The following SPATA9 variants were observed in gnomAD, a reference collection of about 807,000 sequenced individuals.
The protein encoded by SPATA9 is spermatogenesis-associated protein 9.
A neutral mutation model predicts 25.5 loss-of-function variants in SPATA9; 27 were observed. The ratio of observed to expected loss-of-function variants is 1.06; its 90% CI spans 0.78 to 1.46. The LOEUF is 1.46. Among genes scored for constraint, SPATA9 ranks in the 40% most tolerant of loss-of-function variants. The pLI is 0.00. For missense variants in SPATA9, 282 were observed against 297.5 expected (o/e 0.95, Z 0.38); for synonymous variants, 102 against 105.7 (o/e 0.97, Z 0.21).
chr5:95,678,737 T>A (rs72783407), intron 2 of SPATA9, among the ~76,000 whole-genome samples: 6,585 of 152,210 alleles, frequency 0.043, 187 homozygotes, highest in Non-Finnish European at 0.061. Flanking sequence ...ATAAAAAAAA[T>A]TTGCCGCACT....
chr5:95,712,289 A>G, the SPATA9 span, among the ~76,000 whole-genome samples: 3 of 152,146 alleles, frequency 2.0e-5, no homozygotes, highest in African/African-American at 7.2e-5. Flanking sequence ...CTATCCCACA[A>G]TGTGGCCTTG....
chr5:95,687,299 C>T (rs182483198), upstream of SPATA9, among the ~76,000 whole-genome samples: 1 of 152,238 alleles, frequency 6.6e-6, no homozygotes, highest in East Asian at 1.9e-4. Context: ...TCTTGTGATC[C>T]CACTTTCAAT....
chr5:95,676,709 C>T (rs936587331), intron 2 of SPATA9, among the ~76,000 whole-genome samples: 2 of 152,180 alleles, frequency 1.3e-5, no homozygotes, highest in Non-Finnish European at 2.9e-5. Flanking sequence ...GAATTTGCCT[C>T]CTAAGTGGTT....
chr5:95,677,462 G>A (rs1232897715), intron 2 of SPATA9, among the ~76,000 whole-genome samples: 1 of 152,170 alleles, frequency 6.6e-6, no homozygotes, highest in African/African-American at 2.4e-5. Flanking sequence ...TCACAATAAT[G>A]ATAATTCTCC....
At position 95,662,822 on chromosome 5, in the gene SPATA9, AGATGCAAATTAAAACCACAATGT is replaced by A. The variant is rs551147955; in HGVS notation, c.474+1108_474+1130del. Among the ~76,000 whole-genome samples, 481 of 152,338 alleles carry A rather than the reference AGATGCAAATTAAAACCACAATGT, an allele frequency of 3.2e-3. 1 individual carries two copies. The highest frequency in any genetic ancestry group is 5.2e-3 in the Non-Finnish European group (355 of 68,036). On this transcript the variant is annotated intron_variant, in intron 4 of 4. Coordinates refer to ENST00000274432, the MANE Select transcript of SPATA9 (RefSeq NM_031952.4). The stretch of plus-strand genomic sequence containing the variant: ...TACTCAATCTCATTAATAGCCAAGG[AGATGCAAATTAAAACCACAATGT>A]GATGCAAATTAAAACCACAATGTGA...
chr5:95,706,861 C>T, the SPATA9 span, among the ~76,000 whole-genome samples: 2 of 151,860 alleles, frequency 1.3e-5, no homozygotes, highest in Non-Finnish European at 2.9e-5. Context: ...ATTTTGTATG[C>T]AAAGTATACC....
At position 95,682,623 on chromosome 5, in the gene SPATA9, C is replaced by G. The variant is rs980272135; in HGVS notation, c.62-7G>C. 6.2e-7 allele frequency: 1 copy of G among 1,603,112 alleles called. No homozygotes were observed. The highest frequency in any genetic ancestry group is 1.3e-5 in the African/African-American group (1 of 74,234). Reference sequence around the variant, plus strand: ...GCTTTCTGGATCCCCTCGACTAAGACAAAAAGAGGTTAGGAAAAAGAAAAC... The same window carrying G: ...GCTTTCTGGATCCCCTCGACTAAGAGAAAAAGAGGTTAGGAAAAAGAAAAC... On this transcript the variant is annotated splice_region_variant and splice_polypyrimidine_tract_variant and intron_variant, in intron 1 of 4. Transcript: ENST00000274432.
downstream of SPATA9, chr5:95,653,991 G>A (rs912853024): frequency 1.5e-6 from 2 of 1,302,606 alleles, no homozygotes; most frequent in African/African-American, 2.9e-5. Context: ...CATTCTTAGG[G>A]TTATCTCCAT....
the SPATA9 span, among the ~76,000 whole-genome samples, chr5:95,708,142 G>A: frequency 1.3e-3 from 197 of 152,204 alleles, no homozygotes; most frequent in African/African-American, 3.5e-3. Context: ...TTATTTTCTC[G>A]TTCCTGTTGG....
intron 2 of SPATA9, among the ~76,000 whole-genome samples, chr5:95,678,725 A>T (rs545571732): frequency 6.6e-6 from 1 of 152,344 alleles, no homozygotes; most frequent in South Asian, 2.1e-4. Flanking sequence ...ATCATCCTGG[A>T]AATAAAAAAA....
chr5:95,694,660 G>A (rs1351842333), intron 1 of SPATA9, among the ~76,000 whole-genome samples: 2 of 152,134 alleles, frequency 1.3e-5, no homozygotes. Context: ...CAGCCAATAT[G>A]AACCAATCAT....
the SPATA9 span, among the ~76,000 whole-genome samples, chr5:95,706,662 C>T: frequency 6.6e-6 from 1 of 151,962 alleles, no homozygotes; most frequent in African/African-American, 2.4e-5. Flanking sequence ...GTTTCTCTCC[C>T]TTCTCATTCC....
chr5:95,700,907 A>T (rs2112716989), upstream of SPATA9, among the ~76,000 whole-genome samples: 1 of 152,272 alleles, frequency 6.6e-6, no homozygotes, highest in East Asian at 1.9e-4. Flanking sequence ...TTTATTTCTT[A>T]AAATATTTTC....
chr5:95,709,137 T>G, the SPATA9 span, among the ~76,000 whole-genome samples: 8 of 152,130 alleles, frequency 5.3e-5, no homozygotes, highest in African/African-American at 1.9e-4. Context: ...CTGGAACTTT[T>G]TAATAAACAC....
the SPATA9 span, among the ~76,000 whole-genome samples, chr5:95,715,159 A>G: frequency 1.3e-5 from 2 of 152,004 alleles, no homozygotes; most frequent in Non-Finnish European, 2.9e-5. Flanking sequence ...CCCCATCTCT[A>G]CTGAAAATAC....
chr5:95,726,029 A>G, the SPATA9 span, among the ~76,000 whole-genome samples: 2 of 152,230 alleles, frequency 1.3e-5, no homozygotes, highest in Non-Finnish European at 2.9e-5. Flanking sequence ...TTGGAACACA[A>G]TGTAGTAAAT....
At chr5:95,684,096 T>C (rs1296256845), upstream of SPATA9, among the ~76,000 whole-genome samples, 1 of 152,108 alleles carries the variant, frequency 6.6e-6, no homozygotes, top group Non-Finnish European at 1.5e-5. Context: ...CCCTCCGCCA[T>C]ACCACATTCA....
the SPATA9 span, among the ~76,000 whole-genome samples, chr5:95,716,709 G>A: frequency 7.9e-5 from 12 of 152,154 alleles, no homozygotes; most frequent in Non-Finnish European, 1.5e-4. Context: ...GGTGCCAGGG[G>A]TGGAATGATA....
intron 2 of SPATA9, among the ~76,000 whole-genome samples, chr5:95,675,965 G>A (rs145081576): frequency 2.0e-5 from 3 of 151,696 alleles, no homozygotes; most frequent in East Asian, 1.9e-4. Context: ...GGGCATACAC[G>A]CAAGCACCAC....
Sources: gnomAD v4.1 joint callset for allele counts (sites outside exome capture counted in the v4.1 genomes callset) on GRCh38, gnomAD v4.1.1 for gene constraint, MANE v1.5 for transcripts, NCBI Gene and HGNC (gene_info 2026-07-23, HGNC 2026-07-21) for gene names.